Variants in NPSR1 observed in about 807,000 individuals in gnomAD.
The protein encoded by NPSR1 is neuropeptide S receptor 1.
Under a neutral mutation model 46.9 loss-of-function variants are expected in NPSR1, and 48 were observed. The observed-to-expected ratio is 1.02, with a 90% confidence interval of 0.81 to 1.30. The LOEUF is 1.30. Ranked by LOEUF, NPSR1 falls within the 50% of genes most tolerant of loss-of-function variation. The probability of loss-of-function intolerance (pLI) is 0.00; values close to 1 mark genes in which losing one functional copy is unlikely to be tolerated. For missense variants in NPSR1, 450 were observed against 449.5 expected (o/e 1.00, Z -0.01); for synonymous variants, 176 against 168.1 (o/e 1.05, Z -0.36).
intron 6 of NPSR1, among the ~76,000 whole-genome samples, chr7:34,841,926 A>C (rs6962070): frequency 1 from 152,329 of 152,332 alleles, 76,163 homozygotes; most frequent in Non-Finnish European, 1. Context: ...CTTTACTTGC[A>C]GCCCATGGGT....
intron 2 of NPSR1, among the ~76,000 whole-genome samples, chr7:34,767,445 T>C (rs537850257): frequency 4.3e-4 from 66 of 152,274 alleles, no homozygotes; most frequent in African/African-American, 1.5e-3. Context: ...CAAGTAGAAA[T>C]GTGTGGGGGA....
intron 1 of NPSR1, among the ~76,000 whole-genome samples, chr7:34,679,766 C>A (rs1298938044): frequency 2.6e-5 from 4 of 151,722 alleles, no homozygotes; most frequent in Non-Finnish European, 5.9e-5. Flanking sequence ...AATGTGTAAA[C>A]AAAAATTATT....
At chr7:34,784,093 T>C (rs922465790) in intron 3 of NPSR1, among the ~76,000 whole-genome samples, 1 of 152,142 alleles carries the variant, frequency 6.6e-6, no homozygotes, top group African/African-American at 2.4e-5. Flanking sequence ...GCTGAGACAA[T>C]GGGGTTTTCT....
intron 1 of NPSR1, among the ~76,000 whole-genome samples, chr7:34,679,784 A>ATAAAATTATTTATTACTAAT (rs1792522984): frequency 1.3e-5 from 2 of 152,160 alleles, no homozygotes; most frequent in African/African-American, 4.8e-5. Context: ...ATTAGTAATA[A>ATAAAATTATTTATTACTAAT]AAGGTAAACT....
chr7:34,788,676 T>C (rs556951243), intron 3 of NPSR1, among the ~76,000 whole-genome samples: 2 of 152,106 alleles, frequency 1.3e-5, no homozygotes, highest in Non-Finnish European at 2.9e-5. Context: ...CAAATATTAA[T>C]AGACCTGAAG....
chr7:34,823,399 G>GAAAAAAAAAAAA (rs577186339), intron 4 of NPSR1, among the ~76,000 whole-genome samples: 18 of 68,264 alleles, frequency 2.6e-4, no homozygotes, highest in African/African-American at 7.2e-4. Flanking sequence ...GACTTCACCA[G>GAAAAAAAAAAAA]AAAAAAAAAA....
intron 1 of NPSR1, among the ~76,000 whole-genome samples, chr7:34,674,304 C>G (rs1018953045): frequency 6.6e-6 from 1 of 152,184 alleles, no homozygotes; most frequent in African/African-American, 2.4e-5. Flanking sequence ...TAAGCAGCTT[C>G]AGGAACACAG....
chr7:34,668,559 T>C (rs1791876117), intron 1 of NPSR1, among the ~76,000 whole-genome samples: 1 of 152,232 alleles, frequency 6.6e-6, no homozygotes, highest in African/African-American at 2.4e-5. Flanking sequence ...TAAGCAAGCT[T>C]ATGCTGAGGA....
At chr7:34,756,866 C>T (rs970132642) in intron 2 of NPSR1, among the ~76,000 whole-genome samples, 7 of 152,232 alleles carry the variant, frequency 4.6e-5, no homozygotes, top group Non-Finnish European at 8.8e-5. Flanking sequence ...GCCATGCATT[C>T]AGGGCCTCCC....
intron 1 of NPSR1, among the ~76,000 whole-genome samples, chr7:34,663,123 G>A (rs1419658106): frequency 6.7e-6 from 1 of 149,796 alleles, no homozygotes; most frequent in Admixed American, 6.7e-5. Flanking sequence ...GAGGATGGAT[G>A]GTGAAGAGAG....
At chr7:34,741,298 A>G (rs900366232) in intron 2 of NPSR1, among the ~76,000 whole-genome samples, 3 of 152,106 alleles carry the variant, frequency 2.0e-5, no homozygotes, top group African/African-American at 7.2e-5. Context: ...CCTCTAAGAT[A>G]CCCAGAGGTG....
At chr7:34,835,004 C>A (rs1790299761) in intron 6 of NPSR1, among the ~76,000 whole-genome samples, 1 of 152,246 alleles carries the variant, frequency 6.6e-6, no homozygotes, top group Non-Finnish European at 1.5e-5. Context: ...TCCCCACATT[C>A]CTTCTCAGTA....
chr7:34,815,231 C>T (rs1039515616), intron 4 of NPSR1, among the ~76,000 whole-genome samples: 1 of 152,012 alleles, frequency 6.6e-6, no homozygotes, highest in Admixed American at 6.6e-5. Flanking sequence ...CCTTAAATGA[C>T]CTGAAGGAGC....
intron 3 of NPSR1, among the ~76,000 whole-genome samples, chr7:34,783,537 A>G (rs1787326254): frequency 6.6e-6 from 1 of 152,178 alleles, no homozygotes; most frequent in South Asian, 2.1e-4. Context: ...ACTATATTAT[A>G]CAAGTTATAG....
At chr7:34,831,313 T>TCACA (rs34669905) in intron 5 of NPSR1, among the ~76,000 whole-genome samples, 5,180 of 148,144 alleles carry the variant, frequency 0.035, 282 homozygotes, top group African/African-American at 0.12. Context: ...CTCACACACA[T>TCACA]CACACACACA....
intron 6 of NPSR1, among the ~76,000 whole-genome samples, chr7:34,834,730 G>A (rs532056665): frequency 2.6e-5 from 4 of 152,198 alleles, no homozygotes; most frequent in African/African-American, 9.6e-5. Flanking sequence ...AGGATCCAAG[G>A]GTTACCCCAG....
At chr7:34,684,062 T>A (rs1792795560) in intron 1 of NPSR1, among the ~76,000 whole-genome samples, 1 of 145,530 alleles carries the variant, frequency 6.9e-6, no homozygotes, top group East Asian at 1.9e-4. Flanking sequence ...ATACCCAGTA[T>A]ATGATTTTAT....
chr7:34,851,060 C>T (rs1441619742), downstream of NPSR1, among the ~76,000 whole-genome samples: 3 of 152,142 alleles, frequency 2.0e-5, no homozygotes, highest in Non-Finnish European at 2.9e-5. Flanking sequence ...TTCATTTGAT[C>T]ATATATACAT....
At chr7:34,688,483 C>G (rs1186254395) in intron 2 of NPSR1, among the ~76,000 whole-genome samples, 1 of 152,066 alleles carries the variant, frequency 6.6e-6, no homozygotes, top group African/African-American at 2.4e-5. Flanking sequence ...GTGCACCTGC[C>G]CCCTTAACAG....
Sources: gnomAD v4.1 joint callset for allele counts (sites outside exome capture counted in the v4.1 genomes callset) on GRCh38, gnomAD v4.1.1 for gene constraint, MANE v1.5 for transcripts, NCBI Gene and HGNC (gene_info 2026-07-23, HGNC 2026-07-21) for gene names.